The following STK24 variants were observed in gnomAD, a reference collection of about 807,000 sequenced individuals.
STK24 encodes the protein serine/threonine-protein kinase 24.
A neutral mutation model predicts 55.6 loss-of-function variants in STK24; 21 were observed. The ratio of observed to expected loss-of-function variants is 0.38; its 90% CI spans 0.27 to 0.54. The LOEUF is 0.54. Among genes scored for constraint, STK24 ranks in the 20% least tolerant of loss-of-function variants. The pLI is 0.79. For synonymous variants in STK24, 200 were observed against 215.2 expected (o/e 0.93, Z 0.62); for missense variants, 383 against 538.4 (o/e 0.71, Z 2.86).
chr13:98,446,603 C>A lies in STK24; in HGVS notation c.*6570G>T. On this transcript the variant is annotated 3_prime_UTR_variant, in exon 11 of 11. Transcript: ENST00000539966. Reference sequence around the variant, plus strand: ...CAAGTCCCTGTCTGATGCGGGGCAGCAGCCAGGCCCAGCAGCAGAAGCTGA... The same window carrying A: ...CAAGTCCCTGTCTGATGCGGGGCAGAAGCCAGGCCCAGCAGCAGAAGCTGA... 6.4e-7 allele frequency: 1 copy of A among 1,557,950 alleles called. No homozygotes were observed. The highest frequency in any genetic ancestry group is 1.1e-5 in the South Asian group (1 of 86,962).
At chr13:98,453,318 C>T in intron 10 of STK24, 109 bp from the exon 11 acceptor site, 1 of 1,137,638 alleles carries the variant, frequency 8.8e-7, no homozygotes, top group Middle Eastern at 2.0e-4. Context: ...CCAAGTCATA[C>T]AAAAATAAGT....
intron 1 of STK24, among the ~76,000 whole-genome samples, chr13:98,522,407 CAGA>C (rs1896295364): frequency 6.6e-6 from 1 of 152,156 alleles, no homozygotes. Context: ...TATGGGAGTT[CAGA>C]AGAGGAGGTG....
intron 2 of STK24, among the ~76,000 whole-genome samples, chr13:98,486,446 G>T (rs1184683021): frequency 6.6e-6 from 1 of 152,186 alleles, no homozygotes; most frequent in African/African-American, 2.4e-5. Flanking sequence ...TGAACACACG[G>T]ATAAGCTTGG....
At chr13:98,458,449 G>A (rs1048513701) in intron 9 of STK24, among the ~76,000 whole-genome samples, 5 of 152,148 alleles carry the variant, frequency 3.3e-5, no homozygotes, top group African/African-American at 7.2e-5. Flanking sequence ...TTCTCTCTTC[G>A]CTACTGAAGG....
intron 2 of STK24, among the ~76,000 whole-genome samples, chr13:98,489,573 A>C (rs572649057): frequency 6.6e-6 from 1 of 152,224 alleles, no homozygotes; most frequent in South Asian, 2.1e-4. Context: ...TTAGCATCAG[A>C]CAGCCAGTGG....
chr13:98,519,697 G>A (rs1041456341), intron 1 of STK24, among the ~76,000 whole-genome samples: 2 of 152,126 alleles, frequency 1.3e-5, no homozygotes, highest in Non-Finnish European at 2.9e-5. Context: ...GGCAGCAAGC[G>A]TACAATAAGA....
At chr13:98,515,282 C>A (rs1168088700) in intron 2 of STK24, among the ~76,000 whole-genome samples, 1 of 152,094 alleles carries the variant, frequency 6.6e-6, no homozygotes, top group Admixed American at 6.6e-5. Context: ...GCACACTACC[C>A]CATATCCCCT....
intron 1 of STK24, among the ~76,000 whole-genome samples, chr13:98,552,264 C>T (rs551121043): frequency 9.9e-5 from 15 of 152,222 alleles, no homozygotes; most frequent in African/African-American, 3.6e-4. Flanking sequence ...TTTCCCCTCC[C>T]TACAACGACC....
chr13:98,467,458 C>A (rs1186562218), intron 5 of STK24, among the ~76,000 whole-genome samples: 2 of 152,168 alleles, frequency 1.3e-5, no homozygotes, highest in Non-Finnish European at 2.9e-5. Flanking sequence ...GATCCAAAGT[C>A]CACGGGGTAC....
intron 2 of STK24, among the ~76,000 whole-genome samples, chr13:98,514,847 C>T (rs949564744): frequency 2.2e-4 from 33 of 152,102 alleles, no homozygotes; most frequent in African/African-American, 7.7e-4. Flanking sequence ...GCGCAGATAA[C>T]TTAAAATTTT....
chr13:98,561,751 T>A (rs1391046052), intron 1 of STK24, among the ~76,000 whole-genome samples: 5 of 151,802 alleles, frequency 3.3e-5, no homozygotes, highest in African/African-American at 4.8e-5. Flanking sequence ...GGCAGGCAGA[T>A]CACCTGAGGT....
intron 2 of STK24, among the ~76,000 whole-genome samples, chr13:98,490,584 C>T (rs755399893): frequency 1.3e-4 from 20 of 152,146 alleles, no homozygotes; most frequent in African/African-American, 2.7e-4. Context: ...GTTGGACTAA[C>T]GTCCAGGGTC....
chr13:98,532,844 A>G (rs1444854777), intron 1 of STK24, among the ~76,000 whole-genome samples: 1 of 152,226 alleles, frequency 6.6e-6, no homozygotes, highest in Non-Finnish European at 1.5e-5. Flanking sequence ...CAGATAATTT[A>G]CTTCTGTAAG....
intron 2 of STK24, among the ~76,000 whole-genome samples, chr13:98,503,168 AAAAC>A (rs1895554664): frequency 6.6e-6 from 1 of 152,058 alleles, no homozygotes; most frequent in African/African-American, 2.4e-5. Context: ...TTTTTTAAAA[AAAAC>A]AAGTTAAAGA....
At chr13:98,572,138 C>T (rs1047951630) in intron 1 of STK24, among the ~76,000 whole-genome samples, 1 of 152,210 alleles carries the variant, frequency 6.6e-6, no homozygotes, top group African/African-American at 2.4e-5. Context: ...GTCACTGCAA[C>T]CTTCTTAGAG....
chr13:98,516,838 C>T (rs115547263), intron 2 of STK24, among the ~76,000 whole-genome samples: 153 of 152,316 alleles, frequency 1.0e-3, no homozygotes, highest in African/African-American at 3.5e-3. Context: ...GAGTTTACTA[C>T]GGCAGTTGAC....
intron 2 of STK24, among the ~76,000 whole-genome samples, chr13:98,500,667 G>A (rs1234025353): frequency 7.2e-6 from 1 of 139,146 alleles, no homozygotes; most frequent in Non-Finnish European, 1.5e-5. Context: ...GTCAGTCTGA[G>A]ACCCTTCTGC....
intron 2 of STK24, among the ~76,000 whole-genome samples, chr13:98,492,128 G>A (rs912531462): frequency 6.6e-6 from 1 of 151,680 alleles, no homozygotes; most frequent in Non-Finnish European, 1.5e-5. Flanking sequence ...TCAACAGATC[G>A]CAAGAGGCTC....
chr13:98,478,551 G>T (rs111929147), intron 3 of STK24, among the ~76,000 whole-genome samples: 30 of 152,362 alleles, frequency 2.0e-4, no homozygotes, highest in African/African-American at 6.5e-4. Flanking sequence ...GACCGTGACG[G>T]TATGGACCAG....
Sources: gnomAD v4.1 joint callset for allele counts (sites outside exome capture counted in the v4.1 genomes callset) on GRCh38, gnomAD v4.1.1 for gene constraint, MANE v1.5 for transcripts, NCBI Gene and HGNC (gene_info 2026-07-23, HGNC 2026-07-21) for gene names.